The following FAM222B variants were observed in gnomAD, a reference collection of about 807,000 sequenced individuals.
The protein encoded by FAM222B is family with sequence similarity 222 member B.
In FAM222B, 12 loss-of-function variants were observed where a neutral mutation model predicts 38.0. That is an observed-to-expected ratio of 0.32 (90% CI 0.20 to 0.51). The LOEUF (loss-of-function observed/expected upper bound fraction) is 0.51, where lower values mean the gene tolerates loss of function less well. Ranked by LOEUF, FAM222B falls within the 20% of genes least tolerant of loss-of-function variation. The pLI is 0.97. For missense variants in FAM222B, 716 were observed against 754.2 expected, an observed-to-expected ratio of 0.95 and a Z score of 0.59; for synonymous variants, 329 against 317.2, an observed-to-expected ratio of 1.04 and a Z score of -0.40.
intron 1 of FAM222B, among the ~76,000 whole-genome samples, chr17:28,836,657 G>A (rs1465603664): frequency 6.6e-6 from 1 of 152,090 alleles, no homozygotes; most frequent in Non-Finnish European, 1.5e-5. Flanking sequence ...AATTGGAACG[G>A]AACAGAACAG....
At chr17:28,836,856 A>G (rs2038861923) in intron 1 of FAM222B, among the ~76,000 whole-genome samples, 1 of 152,112 alleles carries the variant, frequency 6.6e-6, no homozygotes, top group Non-Finnish European at 1.5e-5. Flanking sequence ...CATAAGACCC[A>G]TATTGGGCAT....
rs1015070088 is a variant in FAM222B, at chr17:28,837,508, C to T, written c.-41+5174G>A. ...TGATTACCCCTCCTTGTATTAAATG[C>T]ATCTGTAATAAAGAAAATTTAGTAT... On this transcript the variant is annotated intron_variant, in intron 1 of 2. Coordinates refer to ENST00000581407, the MANE Select transcript of FAM222B (RefSeq NM_001077498.3). Among the ~76,000 whole-genome samples the T allele has an allele frequency of 4.0e-5, 6 of 151,786 alleles. No homozygotes were observed. The East Asian group carries it at 7.7e-4, about 20-fold the overall frequency.
In FAM222B at chr17:28,771,197, A is replaced by T. The variant is rs2035616433; in HGVS notation, c.-40-4490T>A. Among the ~76,000 whole-genome samples, 6 of 151,798 alleles carry T rather than the reference A, an allele frequency of 4.0e-5. No individual in the cohort carries two copies. The South Asian group carries it at 1.2e-3, about 32-fold the overall frequency. ...ACTAAATAAGAGAGTGCTTTCTTGG[A>T]CTCTGCAGTTGGCCTCAATCATCGG... On this transcript the variant is annotated intron_variant, in intron 1 of 2. Coordinates refer to ENST00000581407, the MANE Select transcript of FAM222B (RefSeq NM_001077498.3).
chr17:28,802,789 C>A, intron 1 of FAM222B: 1 of 154,334 alleles, frequency 6.5e-6, no homozygotes, highest in East Asian at 1.9e-4. Flanking sequence ...TTACCACTTT[C>A]AAAATCTACA....
chr17:28,784,079 T>C (rs1289314766), intron 1 of FAM222B, among the ~76,000 whole-genome samples: 1 of 152,096 alleles, frequency 6.6e-6, no homozygotes, highest in Non-Finnish European at 1.5e-5. Flanking sequence ...GGATTACAGG[T>C]GTGAGCCACC....
At chr17:28,780,452 G>A (rs956408063) in intron 1 of FAM222B, among the ~76,000 whole-genome samples, 1 of 151,936 alleles carries the variant, frequency 6.6e-6, no homozygotes, top group African/African-American at 2.4e-5. Flanking sequence ...ATAAAAATCA[G>A]CAGTGTTTCT....
chr17:28,853,670 T>C (rs1388971201), intron 1 of FAM222B, among the ~76,000 whole-genome samples: 1 of 152,204 alleles, frequency 6.6e-6, no homozygotes, highest in Non-Finnish European at 1.5e-5. Flanking sequence ...GAGATTTCTG[T>C]CTGTTTTGTT....
intron 2 of FAM222B, among the ~76,000 whole-genome samples, chr17:28,766,049 G>T (rs1011938638): frequency 6.9e-6 from 1 of 145,404 alleles, no homozygotes; most frequent in Non-Finnish European, 1.5e-5. Flanking sequence ...CTTTTTTAAG[G>T]GTGATATATA....
chr17:28,836,916 G>A (rs760235555), intron 1 of FAM222B, among the ~76,000 whole-genome samples: 5 of 152,006 alleles, frequency 3.3e-5, no homozygotes, highest in Non-Finnish European at 5.9e-5. Flanking sequence ...TCAGGAGTTC[G>A]AGACCAGCCC....
chr17:28,841,076 C>A (rs1324498096), intron 1 of FAM222B, among the ~76,000 whole-genome samples: 1 of 152,166 alleles, frequency 6.6e-6, no homozygotes, highest in Non-Finnish European at 1.5e-5. Context: ...GGGTGGATCA[C>A]CTGACGTGAG....
chr17:28,780,432 A>G (rs1289191225), intron 1 of FAM222B, among the ~76,000 whole-genome samples: 1 of 152,206 alleles, frequency 6.6e-6, no homozygotes, highest in Non-Finnish European at 1.5e-5. Flanking sequence ...TAGCATAAGG[A>G]AATCAATGTA....
At chr17:28,812,317 T>C (rs2151927993) in intron 1 of FAM222B, 1 of 152,332 alleles carries the variant, frequency 6.6e-6, no homozygotes, top group Admixed American at 6.5e-5. Context: ...CCCGGGAGGA[T>C]GGAAGAGAGG....
chr17:28,838,451 G>A (rs1283946817), intron 1 of FAM222B, among the ~76,000 whole-genome samples: 3 of 150,362 alleles, frequency 2.0e-5, no homozygotes, highest in Non-Finnish European at 4.4e-5. Flanking sequence ...GTGGTGACGG[G>A]CACCTGTAGT....
intron 1 of FAM222B, among the ~76,000 whole-genome samples, chr17:28,773,017 G>A (rs892642306): frequency 2.0e-4 from 31 of 152,184 alleles, no homozygotes; most frequent in African/African-American, 7.5e-4. Context: ...TCAACTTTTG[G>A]TTTGGGCAGG....
intron 1 of FAM222B, among the ~76,000 whole-genome samples, chr17:28,828,318 T>G (rs983736912): frequency 3.3e-5 from 5 of 151,040 alleles, no homozygotes; most frequent in Non-Finnish European, 7.4e-5. Flanking sequence ...ACCCCAGCAG[T>G]TTGGGAGGCT....
chr17:28,820,791 G>C (rs981097143), intron 1 of FAM222B, among the ~76,000 whole-genome samples: 2 of 150,844 alleles, frequency 1.3e-5, no homozygotes, highest in Non-Finnish European at 3.0e-5. Context: ...CTGCCACCAC[G>C]CCCAGCTAAT....
At chr17:28,778,714 TA>T (rs2036019986) in intron 1 of FAM222B, among the ~76,000 whole-genome samples, 127 of 89,262 alleles carry the variant, frequency 1.4e-3, no homozygotes, top group Middle Eastern at 5.1e-3. Context: ...TATATATATA[TA>T]TATATTTTTT....
chr17:28,842,215 T>C (rs1391887530), intron 1 of FAM222B, among the ~76,000 whole-genome samples: 5 of 152,080 alleles, frequency 3.3e-5, no homozygotes, highest in Non-Finnish European at 5.9e-5. Flanking sequence ...TCTAAGCCCC[T>C]AGCTCTTTTC....
At position 28,758,417 on chromosome 17, in the gene FAM222B, CACT is replaced by C; in HGVS notation, c.1539_1541del (p.Val514del). On this transcript the variant is annotated inframe_deletion, in exon 3 of 3. Transcript: ENST00000581407. ...GTTGGAAATCCCCACTTAGGTAATC[CACT>C]GTTTGCATCAAGCTGTTCTGGCTTG... The C allele has an allele frequency of 6.2e-7, 1 of 1,613,886 alleles. No homozygotes were observed. Among genetic ancestry groups the C allele is most frequent in the Non-Finnish European group, 8.5e-7 (1 of 1,179,866 alleles).
Sources: gnomAD v4.1 joint callset for allele counts (sites outside exome capture counted in the v4.1 genomes callset) on GRCh38, gnomAD v4.1.1 for gene constraint, MANE v1.5 for transcripts, NCBI Gene and HGNC (gene_info 2026-07-23, HGNC 2026-07-21) for gene names.